Variants in ATXN2 observed in about 807,000 individuals in gnomAD.
ATXN2 encodes ataxin-2.
Under a neutral mutation model 138.6 loss-of-function variants are expected in ATXN2, and 37 were observed. That is an observed-to-expected ratio of 0.27 (90% CI 0.21 to 0.35). ATXN2 has a LOEUF of 0.35. Among genes scored for constraint, ATXN2 ranks in the 10% least tolerant of loss-of-function variants. The pLI is 1.00. For missense variants in ATXN2, 1,216 were observed against 1,480.3 expected (o/e 0.82, Z 2.93); for synonymous variants, 549 against 543.7 (o/e 1.01, Z -0.13).
intron 1 of ATXN2, among the ~76,000 whole-genome samples, chr12:111,563,497 A>C (rs1882815363): frequency 6.6e-6 from 1 of 152,140 alleles, no homozygotes; most frequent in South Asian, 2.1e-4. Context: ...TGTTATTAGT[A>C]CATACAAGTT....
At chr12:111,562,545 A>C (rs1051552396) in intron 1 of ATXN2, among the ~76,000 whole-genome samples, 1 of 151,748 alleles carries the variant, frequency 6.6e-6, no homozygotes, top group Admixed American at 6.6e-5. Context: ...ACATGGAAAA[A>C]TCCTGTCTCT....
intron 1 of ATXN2, among the ~76,000 whole-genome samples, chr12:111,571,437 A>C (rs1349039243): frequency 6.6e-6 from 1 of 152,162 alleles, no homozygotes; most frequent in Non-Finnish European, 1.5e-5. Flanking sequence ...GAAGTTTTTA[A>C]TTATTAGAAT....
chr12:111,568,018 T>C (rs913284758), intron 1 of ATXN2, among the ~76,000 whole-genome samples: 5 of 152,172 alleles, frequency 3.3e-5, no homozygotes, highest in Admixed American at 2.0e-4. Flanking sequence ...CCCGGCACTT[T>C]GGGAGGCTGA....
chr12:111,544,568 A>G (rs1881703363), intron 5 of ATXN2, among the ~76,000 whole-genome samples: 1 of 152,182 alleles, frequency 6.6e-6, no homozygotes, highest in Admixed American at 6.5e-5. Context: ...CACACATGAT[A>G]GGAGGGAACT....
intron 1 of ATXN2, among the ~76,000 whole-genome samples, chr12:111,573,017 T>C (rs1883422657): frequency 6.6e-6 from 1 of 151,922 alleles, no homozygotes; most frequent in Admixed American, 6.6e-5. Context: ...AACCATCATT[T>C]ATGATGTTGT....
intron 1 of ATXN2, among the ~76,000 whole-genome samples, chr12:111,573,427 C>T (rs1295876114): frequency 6.6e-6 from 1 of 152,104 alleles, no homozygotes; most frequent in Non-Finnish European, 1.5e-5. Context: ...AATTCCTGAC[C>T]TCAGGCGATC....
chr12:111,525,460 A>C (rs1880432422), intron 5 of ATXN2, 144 bp from the exon 6 acceptor site: 2 of 1,021,074 alleles, frequency 2.0e-6, no homozygotes, highest in Non-Finnish European at 2.7e-6. Context: ...AATCTAACAG[A>C]AACATTTATT....
intron 1 of ATXN2, among the ~76,000 whole-genome samples, chr12:111,592,098 A>AG (rs1884696928): frequency 6.8e-6 from 1 of 146,430 alleles, no homozygotes; most frequent in Non-Finnish European, 1.5e-5. Flanking sequence ...AAAACACCTT[A>AG]GCTCATGAGG....
At chr12:111,537,491 G>A (rs1240851752) in intron 5 of ATXN2, among the ~76,000 whole-genome samples, 1 of 151,348 alleles carries the variant, frequency 6.6e-6, no homozygotes, top group Non-Finnish European at 1.5e-5. Flanking sequence ...GCTGAGGCAG[G>A]AGAATCGCTT....
intron 14 of ATXN2, among the ~76,000 whole-genome samples, chr12:111,507,152 G>A (rs1299046512): frequency 6.7e-6 from 1 of 149,892 alleles, no homozygotes; most frequent in Non-Finnish European, 1.5e-5. Context: ...GAGCCCCTCT[G>A]CCCGGCTGCC....
chr12:111,546,092 AAAG>A (rs1330437228), intron 5 of ATXN2, among the ~76,000 whole-genome samples: 1 of 152,230 alleles, frequency 6.6e-6, no homozygotes, highest in Non-Finnish European at 1.5e-5. Flanking sequence ...TAAATGTGAC[AAAG>A]AATCTGTTAA....
intron 1 of ATXN2, among the ~76,000 whole-genome samples, chr12:111,587,955 G>A (rs1193191734): frequency 3.3e-5 from 5 of 151,980 alleles, no homozygotes; most frequent in Non-Finnish European, 5.9e-5. Flanking sequence ...CATGTTAGGA[G>A]GCCTAAGTGG....
intron 5 of ATXN2, among the ~76,000 whole-genome samples, chr12:111,550,359 C>T (rs1403231254): frequency 6.6e-6 from 1 of 152,136 alleles, no homozygotes. Flanking sequence ...GTAATATTCA[C>T]TCTTCCACAT....
intron 11 of ATXN2, chr12:111,511,773 A>T (rs1426772104): frequency 1.3e-5 from 2 of 151,786 alleles, no homozygotes; most frequent in East Asian, 2.0e-4. Flanking sequence ...CGGCTGAAGA[A>T]GATTTTTAAA....
At position 111,598,213 on chromosome 12, in the gene ATXN2, G is replaced by A. The variant is rs1031989475; in HGVS notation, c.251+571C>T. ...CGTCCTCCGATCTTTCCCAGGACTC[G>A]GAGGGGGCGGGGAGAGAGCCCCGAC... On this transcript the variant is annotated intron_variant, in intron 1 of 24. Transcript: ENST00000673436. The surrounding 1 kb of genome is among the most constrained non-coding windows in gnomAD (Gnocchi z 4.5). The A allele has an allele frequency of 5.7e-6, 6 of 1,051,000 alleles. No homozygotes were observed. In the South Asian group the frequency reaches 1.9e-4, roughly 33 times the overall value. 65.1% of individuals were successfully genotyped at this position (1,051,000 alleles called of 1,614,324 possible). A position where few individuals can be genotyped will look rare whatever the true frequency, so the allele number is the denominator to read the frequency against.
chr12:111,577,450 A>G (rs1222486883), intron 1 of ATXN2, among the ~76,000 whole-genome samples: 1 of 151,706 alleles, frequency 6.6e-6, no homozygotes, highest in Non-Finnish European at 1.5e-5. Flanking sequence ...TATTTTTAGT[A>G]GAGACGGGGT....
At chr12:111,486,631 T>A in intron 16 of ATXN2, 130 bp downstream of exon 16, 1 of 691,242 alleles carries the variant, frequency 1.4e-6, no homozygotes, top group Non-Finnish European at 2.4e-6. Context: ...AATGGCCATG[T>A]AAAAAAAAGA....
In ATXN2 at chr12:111,525,194, C is replaced by T. The variant is rs371008673; in HGVS notation, c.694G>A (p.Val232Ile). Residue 232 changes from valine (V) to isoleucine (I), a missense_variant and splice_region_variant, in exon 6 of 25, where the codon GTA becomes ATA. This residue lies in a region of ATXN2 where 401 missense variants were observed against 528.1 expected (regional missense o/e 0.76). Transcript: ENST00000673436. Reference protein sequence around the residue: ...NEELEALENDVSNGWDPNDMF... With the variant: ...NEELEALENDISNGWDPNDMF... ...ATAATTACAAAGATGTTACTTACTA[C>T]GTCATTTTCCAAAGCCTCAAGTTCC... 41 of 1,609,080 alleles carry T rather than the reference C, an allele frequency of 2.5e-5. No homozygotes were observed. Among genetic ancestry groups the T allele is most frequent in the Middle Eastern group, 1.6e-4 (1 of 6,066 alleles).
chr12:111,554,443 C>T (rs1265830774), intron 2 of ATXN2, among the ~76,000 whole-genome samples: 5 of 152,106 alleles, frequency 3.3e-5, no homozygotes, highest in South Asian at 4.1e-4. Context: ...ATAAAGCTAA[C>T]GTTTATTATT....
Sources: allele counts gnomAD v4.1 joint callset (sites outside exome capture counted in the v4.1 genomes callset), GRCh38; gene constraint gnomAD v4.1.1; regional missense constraint gnomAD v4.1.1; non-coding constraint Gnocchi (gnomAD v3.1); transcripts MANE v1.5; gene names NCBI Gene and HGNC (gene_info 2026-07-23, HGNC 2026-07-21).